TMEM230: variants seen among roughly 807,000 people sequenced by gnomAD.
TMEM230 encodes the protein UPF0414 transmembrane protein C20orf30.
A neutral mutation model predicts 15.8 loss-of-function variants in TMEM230; 10 were observed. The observed-to-expected ratio is 0.63, with a 90% confidence interval of 0.39 to 1.07. The LOEUF (loss-of-function observed/expected upper bound fraction) is 1.07. TMEM230 is among the 50% of genes least tolerant of loss of function. The pLI is 0.01. For synonymous variants in TMEM230, 67 were observed against 76.9 expected, an observed-to-expected ratio of 0.87 and a Z score of 0.68; for missense variants, 165 against 193.3, an observed-to-expected ratio of 0.85 and a Z score of 0.87.
chr20:5,074,349 T>C (rs576063434), intron 3 of TMEM230, among the ~76,000 whole-genome samples: 1 of 152,300 alleles, frequency 6.6e-6, no homozygotes. Flanking sequence ...GGTACCAAGA[T>C]GAATCTGCGT....
chr20:5,059,763 ATTTTTTTTTTTTT>A, the TMEM230 span, among the ~76,000 whole-genome samples: 6 of 61,318 alleles, frequency 9.8e-5, no homozygotes, highest in South Asian at 3.0e-3. Context: ...CTTCCAGCTA[ATTTTTTTTTTTTT>A]TTTTTTTTTT....
chr20:5,083,429 A>T (rs113370695), intron 3 of TMEM230, among the ~76,000 whole-genome samples: 1 of 151,882 alleles, frequency 6.6e-6, no homozygotes, highest in Non-Finnish European at 1.5e-5. Context: ...CTTTTTATTA[A>T]ATCAGGAATA....
intron 4 of TMEM230, among the ~76,000 whole-genome samples, chr20:5,105,755 T>A (rs963570029): frequency 2.2e-4 from 34 of 151,672 alleles, no homozygotes; most frequent in African/African-American, 7.0e-4. Flanking sequence ...GGAAAAAAAA[T>A]TGGCCAGGGG....
At chr20:5,094,704 CAAAAAAAAAAAA>C (rs774664710) in intron 3 of TMEM230, among the ~76,000 whole-genome samples, 1 of 61,618 alleles carries the variant, frequency 1.6e-5, no homozygotes, top group Non-Finnish European at 2.9e-5. Flanking sequence ...GACTCCATCT[CAAAAAAAAAAAA>C]AAAAAAAAAA....
chr20:5,083,414 T>A (rs528088309), intron 3 of TMEM230, among the ~76,000 whole-genome samples: 32 of 151,904 alleles, frequency 2.1e-4, no homozygotes, highest in African/African-American at 7.0e-4. Context: ...GGAGTTTTAA[T>A]ATGCCTTTTT....
At chr20:5,109,569 T>C in intron 2 of TMEM230, 124 bp from the exon 2 acceptor site, 1 of 730,054 alleles carries the variant, frequency 1.4e-6, no homozygotes, top group Non-Finnish European at 2.3e-6. Flanking sequence ...AGACTAGCAA[T>C]GGGCAATTTA....
At chr20:5,101,697 G>A (rs2089870998) in intron 4 of TMEM230, among the ~76,000 whole-genome samples, 1 of 152,184 alleles carries the variant, frequency 6.6e-6, no homozygotes, top group African/African-American at 2.4e-5. Flanking sequence ...CAAAATGCTA[G>A]AATTATAGGC....
chr20:5,104,588 C>T (rs2089996061), intron 4 of TMEM230, among the ~76,000 whole-genome samples: 1 of 152,198 alleles, frequency 6.6e-6, no homozygotes, highest in Non-Finnish European at 1.5e-5. Flanking sequence ...TATGACAGCA[C>T]TATTCACAAC....
intron 3 of TMEM230, among the ~76,000 whole-genome samples, chr20:5,074,115 T>G (rs1600274898): frequency 2.0e-5 from 3 of 152,180 alleles, no homozygotes. Context: ...AAGCCATTTA[T>G]GGGGGATCTG....
chr20:5,064,541 A>G (rs570129004), downstream of TMEM230, among the ~76,000 whole-genome samples: 12 of 152,254 alleles, frequency 7.9e-5, no homozygotes, highest in East Asian at 2.3e-3. Flanking sequence ...ACGCCATTGC[A>G]CTCCAGCCTG....
chr20:5,064,301 G>C (rs1036372038), downstream of TMEM230, among the ~76,000 whole-genome samples: 1 of 149,880 alleles, frequency 6.7e-6, no homozygotes, highest in Admixed American at 6.7e-5. Context: ...ATCAGGCCGG[G>C]TGCAGTGGCT....
chr20:5,084,380 C>T (rs568577539), intron 3 of TMEM230, among the ~76,000 whole-genome samples: 18 of 151,800 alleles, frequency 1.2e-4, no homozygotes, highest in African/African-American at 2.7e-4. Flanking sequence ...TACGCCACCA[C>T]GCCTGGCTAA....
At chr20:5,086,268 T>G (rs1045203606) in intron 3 of TMEM230, among the ~76,000 whole-genome samples, 2 of 147,000 alleles carry the variant, frequency 1.4e-5, no homozygotes, top group South Asian at 4.2e-4. Context: ...CCAGCCACGG[T>G]GGCTCACGCC....
At chr20:5,088,584 C>G (rs1002182333) in intron 3 of TMEM230, among the ~76,000 whole-genome samples, 5 of 152,038 alleles carry the variant, frequency 3.3e-5, no homozygotes, top group Admixed American at 6.6e-5. Flanking sequence ...ATGATCACAG[C>G]TGACTGCAGT....
intron 3 of TMEM230, among the ~76,000 whole-genome samples, chr20:5,106,771 T>C (rs981899235): frequency 2.0e-5 from 3 of 152,082 alleles, no homozygotes; most frequent in Non-Finnish European, 4.4e-5. Flanking sequence ...AGTGGTGCAA[T>C]TACAGCTCAT....
intron 3 of TMEM230, among the ~76,000 whole-genome samples, chr20:5,076,676 C>CTTTTTTTTTTT (rs763498321): frequency 1.6e-5 from 2 of 127,482 alleles, no homozygotes; most frequent in South Asian, 2.4e-4. Flanking sequence ...GATTGATATT[C>CTTTTTTTTTTT]TTTTTTTTTT....
At chr20:5,097,968 G>GTTTT (rs2089712670), downstream of TMEM230, among the ~76,000 whole-genome samples, 1 of 104,484 alleles carries the variant, frequency 9.6e-6, no homozygotes, top group South Asian at 3.8e-4. Flanking sequence ...TCTAACTCAG[G>GTTTT]ATTTTTTTTT....
At chr20:5,095,758 T>C (rs1024533113), downstream of TMEM230, among the ~76,000 whole-genome samples, 3 of 152,182 alleles carry the variant, frequency 2.0e-5, no homozygotes, top group African/African-American at 7.2e-5. Flanking sequence ...ACAATGCAGA[T>C]ACCGATTTAG....
intron 4 of TMEM230, among the ~76,000 whole-genome samples, chr20:5,105,450 G>A (rs570952923): frequency 2.0e-5 from 3 of 151,724 alleles, no homozygotes; most frequent in Middle Eastern, 6.9e-3. Flanking sequence ...CATTAGCCGG[G>A]TGCGGTGGCG....
Sources: allele counts gnomAD v4.1 joint callset (sites outside exome capture counted in the v4.1 genomes callset), GRCh38; gene constraint gnomAD v4.1.1; transcripts MANE v1.5; gene names NCBI Gene and HGNC (gene_info 2026-07-23, HGNC 2026-07-21).